Variants in PSPC1 observed in about 807,000 individuals in gnomAD.
The protein encoded by PSPC1 is paraspeckle protein 1.
PSPC1 carries 14 observed loss-of-function variants against 51.6 expected under a neutral mutation model. That is an observed-to-expected ratio of 0.27 (90% confidence interval 0.18 to 0.42). PSPC1 has a LOEUF of 0.42. PSPC1 is among the 10% of genes least tolerant of loss of function. The probability of loss-of-function intolerance (pLI) is 1.00; values close to 1 mark genes in which losing one functional copy is unlikely to be tolerated. For missense variants in PSPC1, 406 were observed against 701.1 expected (o/e 0.58, Z 4.75); for synonymous variants, 193 against 231.9 (o/e 0.83, Z 1.53).
intron 2 of PSPC1, among the ~76,000 whole-genome samples, chr13:19,771,493 T>C (rs1242593778): frequency 6.6e-6 from 1 of 151,944 alleles, no homozygotes; most frequent in South Asian, 2.1e-4. Flanking sequence ...TGGAGTAGAG[T>C]GGCATGATCT....
intron 5 of PSPC1, among the ~76,000 whole-genome samples, chr13:19,731,605 G>A (rs1884130791): frequency 6.6e-6 from 1 of 152,094 alleles, no homozygotes; most frequent in Non-Finnish European, 1.5e-5. Context: ...GTAGAGACAG[G>A]GTCTTGCCAT....
intron 7 of PSPC1, among the ~76,000 whole-genome samples, chr13:19,677,250 A>G (rs200756624): frequency 1.3e-5 from 2 of 149,984 alleles, no homozygotes; most frequent in African/African-American, 4.9e-5. Flanking sequence ...AAAAAAAAAA[A>G]GAGATTACAT....
intron 5 of PSPC1, among the ~76,000 whole-genome samples, chr13:19,730,837 C>G (rs1275535126): frequency 2.0e-5 from 3 of 151,226 alleles, no homozygotes; most frequent in Non-Finnish European, 4.4e-5. Flanking sequence ...ATCCCAGCTA[C>G]TCGAGAGGCT....
At chr13:19,708,806 G>A (rs17241417) in intron 7 of PSPC1, among the ~76,000 whole-genome samples, 18,018 of 152,130 alleles carry the variant, frequency 0.12, 1,190 homozygotes, top group Middle Eastern at 0.14. Context: ...TGTATAAAAC[G>A]CTCTCCACCT....
At chr13:19,731,491 G>A (rs1419417823) in intron 5 of PSPC1, among the ~76,000 whole-genome samples, 9 of 152,256 alleles carry the variant, frequency 5.9e-5, no homozygotes. Context: ...TCAGCTCACT[G>A]CAGCCTTGAC....
At chr13:19,780,223 T>A (rs1470870208) in intron 1 of PSPC1, among the ~76,000 whole-genome samples, 2 of 140,972 alleles carry the variant, frequency 1.4e-5, no homozygotes, top group Non-Finnish European at 3.1e-5. Flanking sequence ...AGCCACCCCG[T>A]CCGGGAGGTG....
chr13:19,765,025 C>CA (rs1887932655), intron 2 of PSPC1, among the ~76,000 whole-genome samples: 1 of 151,984 alleles, frequency 6.6e-6, no homozygotes, highest in East Asian at 1.9e-4. Flanking sequence ...CCCTTATAGA[C>CA]ATGTACCATT....
At chr13:19,707,929 A>T (rs1406267704) in intron 7 of PSPC1, among the ~76,000 whole-genome samples, 1 of 150,384 alleles carries the variant, frequency 6.6e-6, no homozygotes, top group Non-Finnish European at 1.5e-5. Flanking sequence ...TTAAAAAAAG[A>T]CATAAATATT....
At chr13:19,766,592 G>GGAGGATCATGTGAGCCT (rs1383311015) in intron 2 of PSPC1, among the ~76,000 whole-genome samples, 2 of 152,128 alleles carry the variant, frequency 1.3e-5, no homozygotes, top group Non-Finnish European at 2.9e-5. Context: ...GGCTGAGGTG[G>GGAGGATCATGTGAGCCT]GAGGATCATG....
rs77378128 is a variant in PSPC1 at position 19,764,382 on chromosome 13, C to T, written c.675-4964G>A. 8.6e-3 allele frequency among the ~76,000 whole-genome samples: 1,314 copies of T among 151,924 alleles called. 22 individuals carry two copies. The highest frequency in any genetic ancestry group is 0.03 in the African/African-American group (1,258 of 41,450). On this transcript the variant is annotated intron_variant, in intron 2 of 8. Transcript: ENST00000338910. ...TGCACAATAATTTTTTTAACCATACCAACTGGTATACATCTGGGGTTTTCA... is the reference window on the plus strand; with the variant it reads ...TGCACAATAATTTTTTTAACCATACTAACTGGTATACATCTGGGGTTTTCA...
intron 6 of PSPC1, among the ~76,000 whole-genome samples, chr13:19,695,061 G>C (rs1408702229): frequency 1.3e-5 from 2 of 152,192 alleles, no homozygotes; most frequent in East Asian, 3.9e-4. Context: ...AACTAAGAGG[G>C]TTTCAAGCAC....
In PSPC1 at chr13:19,703,292, A is replaced by G. The variant is rs1880192942; in HGVS notation, c.1455T>C (p.Ser485=). 2 of 1,614,080 alleles carry G rather than the reference A, an allele frequency of 1.2e-6. No homozygotes were observed. Among genetic ancestry groups the G allele is most frequent in the Non-Finnish European group, 1.7e-6 (2 of 1,179,912 alleles). ...MGSPMGSRTG[S]ETPQAPMSGV... is the part of the protein sequence containing the mutation. ...CACTCATTGGTGCTTGAGGGGTTTCAGAACCTGTTCTACTCCCCATAGGTG... is the reference window on the plus strand; with the variant it reads ...CACTCATTGGTGCTTGAGGGGTTTCGGAACCTGTTCTACTCCCCATAGGTG... The change falls in exon 9 of 9, where the codon TCT becomes TCC. Residue 485 remains serine (S), a synonymous_variant. Coordinates refer to ENST00000338910, the MANE Select transcript of PSPC1 (RefSeq NM_001354909.2).
chr13:19,727,716 G>A (rs1010811504), intron 6 of PSPC1, among the ~76,000 whole-genome samples: 1 of 152,116 alleles, frequency 6.6e-6, no homozygotes, highest in East Asian at 1.9e-4. Context: ...AACCTAATAT[G>A]AAAACAATCA....
intron 3 of PSPC1, among the ~76,000 whole-genome samples, chr13:19,751,678 A>G (rs912684532): frequency 6.6e-6 from 1 of 152,176 alleles, no homozygotes; most frequent in Non-Finnish European, 1.5e-5. Context: ...AACTTACACA[A>G]TCTGATGCCA....
In PSPC1 at chr13:19,769,267, G is replaced by A. The variant is rs549597287; in HGVS notation, c.674+2975C>T. ...ACCCTCACCAACACGTAGAAACCCC[G>A]TCTAACGGCCGGGCGCAGTGGCTCA... On this transcript the variant is annotated intron_variant, in intron 2 of 8. Coordinates refer to ENST00000338910, the MANE Select transcript of PSPC1 (RefSeq NM_001354909.2). Among the ~76,000 whole-genome samples the A allele has an allele frequency of 4.0e-4, 58 of 146,048 alleles. 3 individuals are homozygous for A. The highest frequency in any genetic ancestry group is 1.2e-3 in the African/African-American group (48 of 38,710).
rs528893938 is a variant in PSPC1, at chr13:19,691,364, A to G, written c.1159-13541T>C. ...GGCAACACAGTGAGACCCTGTTTCT[A>G]TAACTTTTTTTTTAAAAAGTAGCTA... On this transcript the variant is annotated intron_variant and NMD_transcript_variant, in intron 6 of 7. Coordinates refer to the PSPC1 transcript ENST00000471658. 3.9e-5 allele frequency among the ~76,000 whole-genome samples: 6 copies of G among 152,194 alleles called. No homozygotes were observed. In the South Asian group the frequency reaches 1.0e-3, roughly 26 times the overall value.
intron 6 of PSPC1, among the ~76,000 whole-genome samples, chr13:19,680,086 C>T (rs1386784976): frequency 6.6e-6 from 1 of 152,146 alleles, no homozygotes; most frequent in East Asian, 1.9e-4. Flanking sequence ...GTGTTCTCGA[C>T]TCACTGCAAC....
At chr13:19,696,018 C>T (rs1023230) in intron 6 of PSPC1, among the ~76,000 whole-genome samples, 120,044 of 152,022 alleles carry the variant, frequency 0.79, 48,601 homozygotes, top group East Asian at 0.96. Context: ...TGGGCCTCCA[C>T]GAAGCGAGGA....
Position 19,739,418 on chromosome 13 carries a change from T to G in PSPC1, c.1052+2147A>C, listed in dbSNP as rs192774307. On this transcript the variant is annotated intron_variant, in intron 5 of 8. Transcript: ENST00000338910. ...AGCTAGATTCAGGTAAGCCTTTATG[T>G]TAGGGGAGAGGAGGTTTCGTTGTCT... Among the ~76,000 whole-genome samples the G allele has an allele frequency of 4.9e-4, 74 of 152,268 alleles. 1 individual carries two copies. The highest frequency in any genetic ancestry group is 3.4e-3 in the Middle Eastern group (1 of 294).
Sources: gnomAD v4.1 joint callset for allele counts (sites outside exome capture counted in the v4.1 genomes callset) on GRCh38, gnomAD v4.1.1 for gene constraint, MANE v1.5 for transcripts, NCBI Gene and HGNC (gene_info 2026-07-23, HGNC 2026-07-21) for gene names.